Variants in FSTL5 observed in about 807,000 individuals in gnomAD.
The protein encoded by FSTL5 is follistatin like 5.
Under a neutral mutation model 89.1 loss-of-function variants are expected in FSTL5, and 62 were observed. That is an observed-to-expected ratio of 0.70 (90% confidence interval 0.57 to 0.86). The LOEUF is 0.86. FSTL5 is among the 40% of genes least tolerant of loss of function. The pLI is 0.00. For synonymous variants in FSTL5, 383 were observed against 346.2 expected, an observed-to-expected ratio of 1.11 and a Z score of -1.18; for missense variants, 1,057 against 1,001.6, an observed-to-expected ratio of 1.06 and a Z score of -0.75.
intron 7 of FSTL5, among the ~76,000 whole-genome samples, chr4:161,620,972 A>T (rs1409951329): frequency 4.1e-5 from 6 of 146,352 alleles, no homozygotes; most frequent in Admixed American, 6.9e-5. Flanking sequence ...CTCTAGAATA[A>T]CACAAGTAAT....
chr4:162,153,661 A>AATAAT (rs373756499), intron 1 of FSTL5, among the ~76,000 whole-genome samples: 49 of 79,092 alleles, frequency 6.2e-4, no homozygotes, highest in African/African-American at 1.3e-3. Context: ...ATATGTATAT[A>AATAAT]ATATATGTAT....
At chr4:162,094,098 T>C (rs1472293280) in intron 2 of FSTL5, among the ~76,000 whole-genome samples, 1 of 152,132 alleles carries the variant, frequency 6.6e-6, no homozygotes, top group Non-Finnish European at 1.5e-5. Flanking sequence ...TCAAGAATTA[T>C]CTGCTAAAGG....
intron 4 of FSTL5, among the ~76,000 whole-genome samples, chr4:161,776,450 G>T (rs1466911796): frequency 1.4e-5 from 2 of 144,824 alleles, no homozygotes; most frequent in Non-Finnish European, 3.0e-5. Flanking sequence ...TGCAGAAAAT[G>T]AAGTACAAGA....
intron 2 of FSTL5, among the ~76,000 whole-genome samples, chr4:162,076,838 C>A (rs1561005972): frequency 6.6e-6 from 1 of 151,762 alleles, no homozygotes. Flanking sequence ...AAAAAAATCG[C>A]TTGTACAATT....
chr4:161,584,908 T>G (rs1327355439), intron 8 of FSTL5, among the ~76,000 whole-genome samples: 3 of 152,166 alleles, frequency 2.0e-5, no homozygotes, highest in Non-Finnish European at 4.4e-5. Flanking sequence ...CTGTGAGATA[T>G]CGGTTCAGGG....
At chr4:161,906,867 A>G (rs116704965) in intron 4 of FSTL5, among the ~76,000 whole-genome samples, 1 of 152,132 alleles carries the variant, frequency 6.6e-6, no homozygotes, top group African/African-American at 2.4e-5. Flanking sequence ...ATTTATAGAT[A>G]TATTTAAATG....
chr4:161,946,372 C>A (rs1052673423), intron 3 of FSTL5, among the ~76,000 whole-genome samples: 1 of 152,106 alleles, frequency 6.6e-6, no homozygotes, highest in Non-Finnish European at 1.5e-5. Context: ...AAGCAGTGAG[C>A]AAATCCACAT....
intron 3 of FSTL5, among the ~76,000 whole-genome samples, chr4:161,948,093 A>G (rs1397764790): frequency 1.3e-5 from 2 of 151,770 alleles, no homozygotes; most frequent in Admixed American, 6.6e-5. Context: ...CCTGGACAAC[A>G]TAGCAAGACC....
intron 12 of FSTL5, among the ~76,000 whole-genome samples, chr4:161,494,184 G>C (rs977196653): frequency 6.6e-6 from 1 of 152,020 alleles, no homozygotes; most frequent in African/African-American, 2.4e-5. Context: ...AGGGAATAAA[G>C]CTCACATTTT....
In FSTL5 at chr4:161,550,212, C is replaced by A. The variant is rs1309194759; in HGVS notation, c.1016-7519G>T. Among the ~76,000 whole-genome samples the A allele has an allele frequency of 2.0e-5, 3 of 151,864 alleles. No individual in the cohort carries two copies. The Admixed American group carries it at 2.0e-4, about 10-fold the overall frequency. On this transcript the variant is annotated intron_variant, in intron 8 of 15. Coordinates refer to ENST00000306100, the MANE Select transcript of FSTL5 (RefSeq NM_020116.5). ...GCAGAAAAATAATAGACCTTCAAAGCTCTAAGTACAAAAAGAAATCTGCTG... is the reference window on the plus strand; with the variant it reads ...GCAGAAAAATAATAGACCTTCAAAGATCTAAGTACAAAAAGAAATCTGCTG...
chr4:161,864,015 C>A (rs1048684938), intron 4 of FSTL5, among the ~76,000 whole-genome samples: 1 of 152,156 alleles, frequency 6.6e-6, no homozygotes, highest in Non-Finnish European at 1.5e-5. Context: ...TTAGTTGGAA[C>A]CCCCATAAAG....
intron 3 of FSTL5, chr4:162,032,550 G>A (rs1026887121): frequency 1.3e-5 from 2 of 152,190 alleles, no homozygotes; most frequent in South Asian, 2.1e-4. Flanking sequence ...ATTTAAAAAC[G>A]CAAATGCATG....
In FSTL5 at chr4:161,603,761, C is replaced by T. The variant is rs73862335; in HGVS notation, c.895-16186G>A. 8.1e-3 allele frequency among the ~76,000 whole-genome samples: 1,233 copies of T among 151,974 alleles called. 10 individuals carry two copies. Among genetic ancestry groups the T allele is most frequent in the African/African-American group, 0.027 (1,117 of 41,432 alleles). On this transcript the variant is annotated intron_variant, in intron 7 of 15. Coordinates refer to ENST00000306100, the MANE Select transcript of FSTL5 (RefSeq NM_020116.5). ...TCATGTTCGAGAGACAGAACGTCTC[C>T]GAGACAATAACCAAAGTAAAGGTGT...
At chr4:161,722,847 C>A (rs185030025) in intron 6 of FSTL5, among the ~76,000 whole-genome samples, 1 of 149,696 alleles carries the variant, frequency 6.7e-6, no homozygotes, top group African/African-American at 2.5e-5. Flanking sequence ...TACTTTTGGG[C>A]CACTAAGAAT....
rs780432267 is a variant in FSTL5 at position 161,481,013 on chromosome 4, T to C, written c.1608+7A>G. 5 of 1,598,362 alleles carry C rather than the reference T, an allele frequency of 3.1e-6. No individual in the cohort carries two copies. The highest frequency in any genetic ancestry group is 3.4e-5 in the Admixed American group (2 of 58,510). On this transcript the variant is annotated splice_region_variant and intron_variant, in intron 13 of 15. Transcript: ENST00000306100. ...TTTACTTTTTAAAAAGTAGTAATTATTCATACCTGAACAACTTTTTGGGAC... is the reference window on the plus strand; with the variant it reads ...TTTACTTTTTAAAAAGTAGTAATTACTCATACCTGAACAACTTTTTGGGAC...
intron 9 of FSTL5, among the ~76,000 whole-genome samples, chr4:161,541,063 A>T (rs1731804263): frequency 6.6e-6 from 1 of 152,090 alleles, no homozygotes; most frequent in African/African-American, 2.4e-5. Flanking sequence ...CACAGATACT[A>T]AATTAGTGTC....
intron 3 of FSTL5, among the ~76,000 whole-genome samples, chr4:161,941,834 T>C (rs150047427): frequency 0.015 from 2,210 of 152,082 alleles, 30 homozygotes; most frequent in Non-Finnish European, 0.024. Context: ...CAGCAGAGTA[T>C]GCATTTTTCT....
chr4:161,704,239 C>CT (rs1738496504), intron 6 of FSTL5, among the ~76,000 whole-genome samples: 1 of 152,178 alleles, frequency 6.6e-6, no homozygotes, highest in Admixed American at 6.6e-5. Flanking sequence ...TGCTTCCAGT[C>CT]TTCCTGCCTT....
intron 4 of FSTL5, among the ~76,000 whole-genome samples, chr4:161,832,998 G>A (rs1730899493): frequency 6.7e-6 from 1 of 150,010 alleles, no homozygotes; most frequent in Non-Finnish European, 1.5e-5. Context: ...GATCTTTCCT[G>A]CTTTCTCTTG....
Sources: gnomAD v4.1 joint callset for allele counts (sites outside exome capture counted in the v4.1 genomes callset) on GRCh38, gnomAD v4.1.1 for gene constraint, MANE v1.5 for transcripts, NCBI Gene and HGNC (gene_info 2026-07-23, HGNC 2026-07-21) for gene names.